ASIC4: variants seen among roughly 807,000 people sequenced by gnomAD.
ASIC4 encodes the protein acid-sensing ion channel 4.
A neutral mutation model predicts 53.4 loss-of-function variants in ASIC4; 28 were observed. The observed-to-expected ratio is 0.52, with a 90% confidence interval of 0.39 to 0.72. The LOEUF (loss-of-function observed/expected upper bound fraction) is 0.72, where lower values mean the gene tolerates loss of function less well. ASIC4 is among the 30% of genes least tolerant of loss of function. The pLI is 0.00. For synonymous variants in ASIC4, 289 were observed against 301.4 expected, an observed-to-expected ratio of 0.96 and a Z score of 0.43; for missense variants, 649 against 729.7, an observed-to-expected ratio of 0.89 and a Z score of 1.27.
intron 1 of ASIC4, among the ~76,000 whole-genome samples, chr2:219,529,455 G>A (rs1482222850): frequency 6.6e-6 from 1 of 152,198 alleles, no homozygotes; most frequent in Admixed American, 6.5e-5. Context: ...AGGTACAGAG[G>A]AACGATGCAG....
the ASIC4 span, among the ~76,000 whole-genome samples, chr2:219,507,861 A>T: frequency 2.2e-4 from 33 of 152,176 alleles, no homozygotes; most frequent in Middle Eastern, 3.4e-3. Context: ...GGGCCTTGTT[A>T]TCAGCACCAG....
Position 219,518,054 on chromosome 2 carries a change from G to C in ASIC4, c.582+2748G>C, listed in dbSNP as rs528032394. The stretch of plus-strand genomic sequence containing the variant: ...ACCACTGCAATCGCTCTCCCCCCAC[G>C]CTCCCTAATATCCCTTCATGCACTC... On this transcript the variant is annotated intron_variant, in intron 1 of 9. Transcript: ENST00000358078. The surrounding 1 kb of genome is among the most constrained non-coding windows in gnomAD (Gnocchi z 4.8). Among the ~76,000 whole-genome samples the C allele has an allele frequency of 1.3e-5, 2 of 151,804 alleles. No individual in the cohort carries two copies. The highest frequency in any genetic ancestry group is 4.8e-5 in the African/African-American group (2 of 41,286).
intron 1 of ASIC4, among the ~76,000 whole-genome samples, chr2:219,519,227 A>G (rs1472580345): frequency 2.6e-5 from 4 of 152,176 alleles, no homozygotes; most frequent in African/African-American, 9.7e-5. Context: ...TGTTGTGAGG[A>G]TTAAAGAGAT....
At chr2:219,511,329 TC>T (rs1270415816), upstream of ASIC4, among the ~76,000 whole-genome samples, 16 of 151,176 alleles carry the variant, frequency 1.1e-4, no homozygotes, top group African/African-American at 3.9e-4. This position sits in a 1 kb window ranked among gnomAD's most constrained non-coding sequence, Gnocchi z 5.3. Context: ...CCATGCCTCC[TC>T]CCAGGAACCT....
intron 5 of ASIC4, chr2:219,533,153 G>A: frequency 1.6e-6 from 1 of 606,732 alleles, no homozygotes. Flanking sequence ...GCAGGGTGGG[G>A]GGTTGCAGAG....
At chr2:219,509,566 C>T (rs1296371678), upstream of ASIC4, among the ~76,000 whole-genome samples, 1 of 152,154 alleles carries the variant, frequency 6.6e-6, no homozygotes, top group African/African-American at 2.4e-5. The surrounding 1 kb of genome is among the most constrained non-coding windows in gnomAD (Gnocchi z 5.2). Flanking sequence ...CTCCCCTCTG[C>T]CGCCATGGCC....
At chr2:219,523,525 G>C (rs1200665435) in intron 1 of ASIC4, among the ~76,000 whole-genome samples, 41 of 152,168 alleles carry the variant, frequency 2.7e-4, no homozygotes, top group Non-Finnish European at 4.7e-4. Context: ...CGGTGGAGGT[G>C]GGGGGTCCCT....
At chr2:219,510,984 G>A (rs970451681), upstream of ASIC4, among the ~76,000 whole-genome samples, 1 of 152,200 alleles carries the variant, frequency 6.6e-6, no homozygotes, top group Middle Eastern at 3.4e-3. The surrounding 1 kb of genome is among the most constrained non-coding windows in gnomAD (Gnocchi z 5.2). Flanking sequence ...CACCAGCCAG[G>A]CCTGGACCAG....
Position 219,536,522 on chromosome 2 carries a change from G to A in ASIC4, c.1230-544G>A, listed in dbSNP as rs1695138857. Among the ~76,000 whole-genome samples, 1 of 152,202 alleles carries A rather than the reference G, an allele frequency of 6.6e-6. No homozygotes were observed. Among genetic ancestry groups the A allele is most frequent in the Non-Finnish European group, 1.5e-5 (1 of 68,050 alleles). On this transcript the variant is annotated intron_variant, in intron 6 of 9. Coordinates refer to ENST00000358078, the MANE Select transcript of ASIC4 (RefSeq NM_018674.6). The surrounding 1 kb of genome is among the most constrained non-coding windows in gnomAD (Gnocchi z 4.6). ...TCGGGGAGTGAAGCTGGGGAGGCGT[G>A]AGCCGGCCTCTGAGGGCCCTGGGTT...
chr2:219,514,740 G>A lies in ASIC4; in HGVS notation c.16G>A (p.Val6Met), dbSNP rs781546819. 6.2e-7 allele frequency: 1 copy of A among 1,613,652 alleles called. No individual in the cohort carries two copies. Among genetic ancestry groups the A allele is most frequent in the Non-Finnish European group, 8.5e-7 (1 of 1,180,006 alleles). Residue 6 changes from valine (V) to methionine (M), a missense_variant, in exon 1 of 10, where the codon GTG becomes ATG. Transcript: ENST00000358078. ...CCGGGGACAGATGCCGATCGAGATT[G>A]TGTGCAAAATCAAATTTGCTGAGGA... Reference protein sequence around the residue: MPIEIVCKIKFAEEDA... With the variant: MPIEIMCKIKFAEEDA...
rs1283469336 is a variant in ASIC4 at position 219,514,835 on chromosome 2, A to C, written c.111A>C (p.Ala37=). The change falls in exon 1 of 10, where the codon GCA becomes GCC. Residue 37 remains alanine (A), a synonymous_variant. Transcript: ENST00000358078. ...TCCTCGGGGCTGTTGCCCCTGGAGC[A>C]GCCCCCCGAGACCTGGCCACCTTTG... ...QSLLGAVAPG[A]APRDLATFAS... The C allele has an allele frequency of 6.2e-7, 1 of 1,613,156 alleles. No individual in the cohort carries two copies. Among genetic ancestry groups the C allele is most frequent in the Non-Finnish European group, 8.5e-7 (1 of 1,179,928 alleles).
upstream of ASIC4, among the ~76,000 whole-genome samples, chr2:219,509,511 C>CT (rs1694672858): frequency 6.6e-6 from 1 of 152,178 alleles, no homozygotes; most frequent in Non-Finnish European, 1.5e-5. This position sits in a 1 kb window ranked among gnomAD's most constrained non-coding sequence, Gnocchi z 5.2. Context: ...CTGCCACCCC[C>CT]GCTCCCCTTC....
rs1391453017 is a variant in ASIC4 at position 219,516,298 on chromosome 2, G to A, written c.582+992G>A. On this transcript the variant is annotated intron_variant, in intron 1 of 9. Coordinates refer to ENST00000358078, the MANE Select transcript of ASIC4 (RefSeq NM_018674.6). This position sits in a 1 kb window ranked among gnomAD's most constrained non-coding sequence, Gnocchi z 4.9. Reference sequence around the variant, plus strand: ...ACCCCCACCCCCATCTATCCCAACCGCTGCTCCCCATTTGGAGACTGCTGG... The same window carrying A: ...ACCCCCACCCCCATCTATCCCAACCACTGCTCCCCATTTGGAGACTGCTGG... Among the ~76,000 whole-genome samples, 1 of 152,054 alleles carries A rather than the reference G, an allele frequency of 6.6e-6. No individual in the cohort carries two copies. The highest frequency in any genetic ancestry group is 1.5e-5 in the Non-Finnish European group (1 of 68,010).
Position 219,532,901 on chromosome 2 carries a change from C to A in ASIC4, c.1037C>A (p.Pro346Gln). 6.2e-7 allele frequency: 1 copy of A among 1,613,828 alleles called. No individual in the cohort carries two copies. Among genetic ancestry groups the A allele is most frequent in the Non-Finnish European group, 8.5e-7 (1 of 1,179,804 alleles). ...VHMPGNETIC[P>Q]PNIYIECADH... ...CTTTCAGGCAATGAGACCATCTGCC[C>A]ACCAAATATCTACATCGAGTGTGCA... Residue 346 changes from proline to glutamine, a missense_variant, in exon 5 of 10, where the codon CCA becomes CAA. Pro to Gln is a moderately conservative substitution (Grantham distance 76). Coordinates refer to ENST00000358078, the MANE Select transcript of ASIC4 (RefSeq NM_018674.6).
At chr2:219,513,608 C>T (rs1694730061), upstream of ASIC4, among the ~76,000 whole-genome samples, 2 of 152,166 alleles carry the variant, frequency 1.3e-5, no homozygotes, top group African/African-American at 2.4e-5. Context: ...TATAGAGCAC[C>T]CCGGAAGCAC....
Position 219,532,336 on chromosome 2 carries a change from T to TG in ASIC4, c.881dup (p.Asn295GlnfsTer7), listed in dbSNP as rs781311841. 1.2e-6 allele frequency: 2 copies of TG among 1,612,662 alleles called. No homozygotes were observed. Among genetic ancestry groups the TG allele is most frequent in the East Asian group, 2.2e-5 (1 of 44,830 alleles). On this transcript the variant is annotated frameshift_variant, in exon 4 of 10. Transcript: ENST00000358078. LOFTEE classifies it high-confidence loss of function. The stretch of plus-strand genomic sequence containing the variant: ...GCAGCTGACCTACCTGCCCCAGCCC[T>TG]GGGGCAACTGCCGCGCAGAGAGTGA...
intron 1 of ASIC4, among the ~76,000 whole-genome samples, chr2:219,515,646 C>G (rs1694775776): frequency 6.6e-6 from 1 of 152,248 alleles, no homozygotes; most frequent in African/African-American, 2.4e-5. Context: ...CGCACCATCC[C>G]AAGGCCAGAC....
chr2:219,519,885 TCTGGGGG>T (rs940342518), intron 1 of ASIC4, among the ~76,000 whole-genome samples: 3 of 151,596 alleles, frequency 2.0e-5, no homozygotes, highest in Admixed American at 6.6e-5. Flanking sequence ...AGGGCCTGTG[TCTGGGGG>T]CTGGGGGCTG....
upstream of ASIC4, among the ~76,000 whole-genome samples, chr2:219,513,385 C>T (rs937337176): frequency 1.3e-5 from 2 of 152,078 alleles, no homozygotes; most frequent in African/African-American, 4.8e-5. Context: ...GCTCCCACCC[C>T]CACCTATGAT....
Sources: gnomAD v4.1 joint callset for allele counts (sites outside exome capture counted in the v4.1 genomes callset) on GRCh38, gnomAD v4.1.1 for gene constraint, Gnocchi (gnomAD v3.1) non-coding constraint, MANE v1.5 for transcripts, NCBI Gene and HGNC (gene_info 2026-07-23, HGNC 2026-07-21) for gene names.